Variants in SLC6A16 observed in about 807,000 individuals in gnomAD.
SLC6A16 encodes solute carrier family 6 member 16.
Under a neutral mutation model 65.4 loss-of-function variants are expected in SLC6A16, and 54 were observed. That is an observed-to-expected ratio of 0.83 (90% CI 0.66 to 1.04). The LOEUF is 1.04. SLC6A16 is among the 50% of genes least tolerant of loss of function. SLC6A16 has a pLI of 0.00. For missense variants in SLC6A16, 816 were observed against 914.0 expected (o/e 0.89, Z 1.38); for synonymous variants, 330 against 346.5 (o/e 0.95, Z 0.53).
chr19:49,309,642 G>C lies in SLC6A16; in HGVS notation c.876+9C>G. On this transcript the variant is annotated intron_variant, in intron 5 of 11. Coordinates refer to ENST00000335875, the MANE Select transcript of SLC6A16 (RefSeq NM_014037.3). ...GAGAATTTCAAGGAATCCAATACTG[G>C]TGGCTCACCTTCCCAGTGGACTTGA... The C allele has an allele frequency of 6.2e-7, 1 of 1,610,118 alleles. No individual in the cohort carries two copies. Among genetic ancestry groups the C allele is most frequent in the Non-Finnish European group, 8.5e-7 (1 of 1,176,540 alleles).
Position 49,293,299 on chromosome 19 carries a change from A to AGTC in SLC6A16, c.1699_1701dup (p.Asp567dup), listed in dbSNP as rs750918317. ...ACGATGATGGGGAAGACTATCCAGT[A>AGTC]GTCACTCAGCAGTCTGATGAAGTAG... On this transcript the variant is annotated inframe_insertion, in exon 10 of 12. Coordinates refer to ENST00000335875, the MANE Select transcript of SLC6A16 (RefSeq NM_014037.3). The AGTC allele has an allele frequency of 6.2e-7, 1 of 1,614,146 alleles. No homozygotes were observed. The highest frequency in any genetic ancestry group is 1.7e-5 in the Admixed American group (1 of 60,032).
the SLC6A16 span, chr19:49,340,271 G>A: frequency 6.2e-7 from 1 of 1,613,692 alleles, no homozygotes; most frequent in Non-Finnish European, 8.5e-7. Context: ...TGACGCTCTC[G>A]ATATTCCTGT....
intron 7 of SLC6A16, among the ~76,000 whole-genome samples, chr19:49,305,199 C>G (rs1970359848): frequency 6.6e-6 from 1 of 152,166 alleles, no homozygotes; most frequent in Non-Finnish European, 1.5e-5. Flanking sequence ...TGAAGAAGAC[C>G]AAACTAGCCC....
the SLC6A16 span, chr19:49,336,330 TG>T: frequency 1.3e-5 from 2 of 158,490 alleles, no homozygotes; most frequent in Non-Finnish European, 2.8e-5. Flanking sequence ...CCGAGGCAGG[TG>T]GATCACTTGA....
intron 7 of SLC6A16, chr19:49,305,886 T>C (rs1970376029): frequency 6.6e-6 from 1 of 152,224 alleles, no homozygotes. Flanking sequence ...ATAAGAATGT[T>C]TGCAGCAACA....
At chr19:49,331,316 G>A in the SLC6A16 span, among the ~76,000 whole-genome samples, 1 of 152,076 alleles carries the variant, frequency 6.6e-6, no homozygotes, top group Non-Finnish European at 1.5e-5. Context: ...GAGTAGCTGG[G>A]ACTGTAGGTA....
At chr19:49,320,901 C>A (rs1284039733) in intron 1 of SLC6A16, among the ~76,000 whole-genome samples, 1 of 152,166 alleles carries the variant, frequency 6.6e-6, no homozygotes, top group Non-Finnish European at 1.5e-5. Context: ...AAGCTCTGGA[C>A]CTGATGGCTT....
chr19:49,293,275 C>T lies in SLC6A16; in HGVS notation c.1726G>A (p.Val576Ile), dbSNP rs751047062. The T allele has an allele frequency of 3.1e-6, 5 of 1,614,064 alleles. No homozygotes were observed. Among genetic ancestry groups the T allele is most frequent in the Admixed American group, 1.7e-5 (1 of 60,004 alleles). The change falls in exon 10 of 12, where the codon GTC becomes ATC. Residue 576 changes from valine (V) to isoleucine (I), a missense_variant. Physicochemically the swap from Val to Ile is conservative, Grantham distance 29. Transcript: ENST00000335875. ...GCCATGGTTTCAAATACGACAACGA[C>T]GATGATGGGGAAGACTATCCAGTAG... ...SDYWIVFPII[V>I]VVVFETMAVS...
intron 1 of SLC6A16, among the ~76,000 whole-genome samples, chr19:49,317,192 T>TG: frequency 6.6e-6 from 1 of 151,718 alleles, no homozygotes; most frequent in East Asian, 1.9e-4. Flanking sequence ...AATACAAAAA[T>TG]TAGCCAGGCA....
chr19:49,335,847 C>T, the SLC6A16 span: 2 of 1,399,014 alleles, frequency 1.4e-6, no homozygotes, highest in Admixed American at 3.3e-5. The surrounding 1 kb of genome is among the most constrained non-coding windows in gnomAD (Gnocchi z 4.6). Flanking sequence ...CCTGGGGTCT[C>T]CCTTGTCTCA....
intron 6 of SLC6A16, 65 bp downstream of exon 6, chr19:49,309,236 C>T: frequency 6.4e-7 from 1 of 1,572,574 alleles, no homozygotes; most frequent in Non-Finnish European, 8.7e-7. Context: ...GGAAAGGAAG[C>T]TCTAAGAATA....
intron 10 of SLC6A16, among the ~76,000 whole-genome samples, chr19:49,291,690 C>G (rs1216365375): frequency 1.3e-5 from 2 of 152,034 alleles, no homozygotes; most frequent in African/African-American, 4.8e-5. Flanking sequence ...CCTTGGGAAA[C>G]TTATCTAGTT....
At chr19:49,299,899 TG>T (rs35637911) in intron 7 of SLC6A16, among the ~76,000 whole-genome samples, 104,037 of 150,280 alleles carry the variant, frequency 0.69, 36,406 homozygotes, top group East Asian at 0.83. Context: ...GGTGGGCACC[TG>T]TAATCCCAGC....
chr19:49,320,823 G>T (rs1970698388), intron 1 of SLC6A16, among the ~76,000 whole-genome samples: 1 of 152,070 alleles, frequency 6.6e-6, no homozygotes, highest in African/African-American at 2.4e-5. Flanking sequence ...ATCACAAACA[G>T]AAAATCTGAA....
Position 49,294,400 on chromosome 19 carries a change from C to G in SLC6A16, c.1383G>C (p.Val461=), listed in dbSNP as rs1970143669. 6.2e-7 allele frequency: 1 copy of G among 1,613,978 alleles called. No homozygotes were observed. Among genetic ancestry groups the G allele is most frequent in the Non-Finnish European group, 8.5e-7 (1 of 1,180,030 alleles). Residue 461 remains valine, a synonymous_variant, in exon 8 of 12, where the codon GTG becomes GTC. Transcript: ENST00000335875. ...ACTGAGTCTCTATGTTGCACTCAGT[C>G]ACCTCGCGGAGAACCATGCTTTTGA... ...QHIKSMVLRE[V]TECNIETQFL...
At chr19:49,316,684 T>TG (rs1970617211) in intron 1 of SLC6A16, among the ~76,000 whole-genome samples, 1 of 151,164 alleles carries the variant, frequency 6.6e-6, no homozygotes, top group African/African-American at 2.4e-5. Context: ...TGAGGAGAAA[T>TG]TCCTGTGAGT....
the SLC6A16 span, chr19:49,338,822 C>T: frequency 1.2e-6 from 2 of 1,614,094 alleles, no homozygotes; most frequent in South Asian, 1.1e-5. The surrounding 1 kb of genome is among the most constrained non-coding windows in gnomAD (Gnocchi z 5.0). Context: ...CCAACGACTC[C>T]ACAATCCTAG....
rs745634395 is a variant in SLC6A16 at position 49,317,805 on chromosome 19, CA to C, written c.-64-6395del. 6.6e-3 allele frequency among the ~76,000 whole-genome samples: 860 copies of C among 130,638 alleles called. 3 individuals are homozygous for C. Among genetic ancestry groups the C allele is most frequent in the African/African-American group, 7.8e-3 (275 of 35,386 alleles). 85.7% of individuals were successfully genotyped at this position (130,638 alleles called of 152,430 possible). On this transcript the variant is annotated intron_variant, in intron 1 of 11. Coordinates refer to ENST00000335875, the MANE Select transcript of SLC6A16 (RefSeq NM_014037.3). The stretch of plus-strand genomic sequence containing the variant: ...AGGGCAACACAGCGAGACTCCGTCT[CA>C]AAAAAAAAAAACTGTACAAATAATT...
upstream of SLC6A16, chr19:49,325,363 C>G (rs1970783837): frequency 2.0e-6 from 1 of 495,734 alleles, no homozygotes; most frequent in Non-Finnish European, 2.6e-6. Context: ...GCGCCACTCC[C>G]TTCCCCACCG....
Sources: gnomAD v4.1 joint callset for allele counts (sites outside exome capture counted in the v4.1 genomes callset) on GRCh38, gnomAD v4.1.1 for gene constraint, Gnocchi (gnomAD v3.1) non-coding constraint, MANE v1.5 for transcripts, NCBI Gene and HGNC (gene_info 2026-07-23, HGNC 2026-07-21) for gene names.